Variants in SLC4A1 observed in about 807,000 individuals in gnomAD.
The protein encoded by SLC4A1 is solute carrier family 4 member 1 (Diego blood group), also known as band 3 anion transport protein.
Under a neutral mutation model 93.1 loss-of-function variants are expected in SLC4A1, and 29 were observed. That is an observed-to-expected ratio of 0.31 (90% CI 0.23 to 0.42). The LOEUF (loss-of-function observed/expected upper bound fraction) is 0.42, where lower values mean the gene tolerates loss of function less well. SLC4A1 is among the 20% of genes least tolerant of loss of function. The pLI, the probability that SLC4A1 is intolerant of heterozygous loss-of-function variation, is 1.00. For synonymous variants in SLC4A1, 469 were observed against 497.2 expected, an observed-to-expected ratio of 0.94 and a Z score of 0.76; for missense variants, 965 against 1,190.1, an observed-to-expected ratio of 0.81 and a Z score of 2.78.
At position 44,262,914 on chromosome 17, in the gene SLC4A1, C is replaced by A; in HGVS notation, c.-48G>T. The A allele has an allele frequency of 6.2e-7, 1 of 1,613,614 alleles. No individual in the cohort carries two copies. The highest frequency in any genetic ancestry group is 8.5e-7 in the Non-Finnish European group (1 of 1,180,028). On this transcript the variant is annotated 5_prime_UTR_variant, in exon 2 of 20. It removes an upstream start codon present in the reference 5' UTR. Coordinates refer to ENST00000262418, the MANE Select transcript of SLC4A1 (RefSeq NM_000342.4). ...TGTCTACGGTGATCTGAGCCCCCAGCATAACCCGCACCGCGGGTCCCTGCA... is the reference window on the plus strand; with the variant it reads ...TGTCTACGGTGATCTGAGCCCCCAGAATAACCCGCACCGCGGGTCCCTGCA...
chr17:44,249,322 C>T lies in SLC4A1; in HGVS notation c.*1136G>A, dbSNP rs2047319410. ...TACCCCAATTGGTCAGATCTGGGTTCTCCCCAAGATTCAGTTTAGATGGAG... is the reference window on the plus strand; with the variant it reads ...TACCCCAATTGGTCAGATCTGGGTTTTCCCCAAGATTCAGTTTAGATGGAG... On this transcript the variant is annotated 3_prime_UTR_variant, in exon 20 of 20. Coordinates refer to ENST00000262418, the MANE Select transcript of SLC4A1 (RefSeq NM_000342.4). The T allele has an allele frequency of 8.4e-6, 3 of 358,562 alleles. No individual in the cohort carries two copies. The highest frequency in any genetic ancestry group is 3.9e-4 in the Middle Eastern group (1 of 2,596). The allele number at this position is 358,562 out of a possible 1,614,324, so 22.2% of individuals were successfully genotyped here. A position where few individuals can be genotyped will look rare whatever the true frequency, so the allele number is the denominator to read the frequency against.
In SLC4A1 at chr17:44,259,741, G is replaced by T. The variant is rs749047173; in HGVS notation, c.609+68C>A. ...TTGTGGTCGGTTTTTCAGGACCCCT[G>T]CTGGCGTTTGAGAAAGCTCTCTCCT... On this transcript the variant is annotated intron_variant, in intron 7 of 19. Coordinates refer to ENST00000262418, the MANE Select transcript of SLC4A1 (RefSeq NM_000342.4). 1,095 of 1,609,746 alleles carry T rather than the reference G, an allele frequency of 6.8e-4. 2 individuals are homozygous for T. The highest frequency in any genetic ancestry group is 8.8e-4 in the Non-Finnish European group (1,033 of 1,177,146).
Position 44,258,105 on chromosome 17 carries a change from C to A in SLC4A1, c.1163G>T (p.Arg388Leu). 6.2e-7 allele frequency: 1 copy of A among 1,614,016 alleles called. No individual in the cohort carries two copies. Among genetic ancestry groups the A allele is most frequent in the Non-Finnish European group, 8.5e-7 (1 of 1,179,992 alleles). ...GTCACTCAGGTAATAGGGGTAGCGG[C>A]GCCGGATATCACGCACCAGGCCCCC... ...LFGGLVRDIR[R>L]RYPYYLSDIT... Residue 388 changes from arginine to leucine, a missense_variant, in exon 11 of 20, where the codon CGC (arginine) becomes CTC (leucine). Transcript: ENST00000262418. The surrounding 1 kb of genome is among the most constrained non-coding windows in gnomAD (Gnocchi z 6.1).
In SLC4A1 at chr17:44,249,229, ACT is replaced by A; in HGVS notation, c.*1227_*1228del. On this transcript the variant is annotated 3_prime_UTR_variant, in exon 20 of 20. Coordinates refer to ENST00000262418, the MANE Select transcript of SLC4A1 (RefSeq NM_000342.4). ...TCTCTCACCACTTTCACGTCTTTCA[ACT>A]CTTTTTATCTTTTTGTTTTATAAAA... is the stretch of plus-strand genomic sequence containing the variant. 1 of 448,782 alleles carries A rather than the reference ACT, an allele frequency of 2.2e-6. No individual in the cohort carries two copies. The highest frequency in any genetic ancestry group is 4.5e-6 in the Non-Finnish European group (1 of 224,706). The allele number at this position is 448,782 out of a possible 1,614,324, so 27.8% of individuals were successfully genotyped here.
rs1399439339 is a variant in SLC4A1 at position 44,249,866 on chromosome 17, C to G, written c.*592G>C. 6.4e-6 allele frequency: 1 copy of G among 156,532 alleles called. No homozygotes were observed. The highest frequency in any genetic ancestry group is 1.4e-5 in the Non-Finnish European group (1 of 70,686). The allele number at this position is 156,532 out of a possible 1,614,324, so 9.7% of individuals were successfully genotyped here. ...TGAAATCAGAAGGCCTGGTTCAAAT[C>G]CCAGCTGCACGGCTCAGTTCAAATC... is the stretch of plus-strand genomic sequence containing the variant. On this transcript the variant is annotated 3_prime_UTR_variant, in exon 20 of 20. Coordinates refer to ENST00000262418, the MANE Select transcript of SLC4A1 (RefSeq NM_000342.4).
intron 17 of SLC4A1, 149 bp downstream of exon 17, chr17:44,252,969 G>A: frequency 2.2e-6 from 2 of 896,514 alleles, no homozygotes; most frequent in Non-Finnish European, 3.6e-6. Flanking sequence ...ATCCCCTCGT[G>A]TGAGTAGGGG....
Position 44,258,094 on chromosome 17 carries a change from A to G in SLC4A1, c.1174T>C (p.Tyr392His). 1 of 1,614,040 alleles carries G rather than the reference A, an allele frequency of 6.2e-7. No individual in the cohort carries two copies. The highest frequency in any genetic ancestry group is 8.5e-7 in the Non-Finnish European group (1 of 1,180,010). Residue 392 changes from tyrosine to histidine, a missense_variant, in exon 11 of 20, where the codon TAT becomes CAT. By Grantham distance (83) the Tyr-to-His change is moderately conservative. Transcript: ENST00000262418. The surrounding 1 kb of genome is among the most constrained non-coding windows in gnomAD (Gnocchi z 6.1). ...LVRDIRRRYP[Y>H]YLSDITDAFS... Reference sequence around the variant, plus strand: ...GCATCTGTGATGTCACTCAGGTAATAGGGGTAGCGGCGCCGGATATCACGC... The same window carrying G: ...GCATCTGTGATGTCACTCAGGTAATGGGGGTAGCGGCGCCGGATATCACGC...
Position 44,248,984 on chromosome 17 carries a change from T to C in SLC4A1, c.*1474A>G, listed in dbSNP as rs2047316827. ...AGGTGATTCTCTTGCCTCAGCCTTC[T>C]AAGTAGCTGGGATTACAGGTGCCTG... On this transcript the variant is annotated 3_prime_UTR_variant, in exon 20 of 20. Transcript: ENST00000262418. 3.0e-6 allele frequency: 1 copy of C among 333,848 alleles called. No homozygotes were observed. The highest frequency in any genetic ancestry group is 2.3e-5 in the African/African-American group (1 of 44,126). The allele number at this position is 333,848 out of a possible 1,614,324, so 20.7% of individuals were successfully genotyped here.
At position 44,258,521 on chromosome 17, in the gene SLC4A1, G is replaced by C. The variant is rs554068015; in HGVS notation, c.979C>G (p.Pro327Ala). 3.7e-6 allele frequency: 6 copies of C among 1,613,994 alleles called. No individual in the cohort carries two copies. In the South Asian group the frequency reaches 6.6e-5, roughly 18 times the overall value. Residue 327 changes from proline (P) to alanine (A), a missense_variant, in exon 10 of 20, where the codon CCC (proline) becomes GCC (alanine). By Grantham distance (27) the Pro-to-Ala change is conservative (BLOSUM62 -1). Coordinates refer to ENST00000262418, the MANE Select transcript of SLC4A1 (RefSeq NM_000342.4). The surrounding 1 kb of genome is among the most constrained non-coding windows in gnomAD (Gnocchi z 6.1). The part of the protein sequence containing the change: ...CSLVLPPTDA[P>A]SEQALLSLVP... ...AGACTGAGCAGTGCCTGCTCGGAGG[G>C]GGCATCGGTGGGAGGCAGCACTAGG...
In SLC4A1 at chr17:44,257,688, G is replaced by A. The variant is rs1434081638; in HGVS notation, c.1402C>T (p.Leu468=). 4 of 1,613,942 alleles carry A rather than the reference G, an allele frequency of 2.5e-6. No individual in the cohort carries two copies. In the Admixed American group the frequency reaches 5.0e-5, roughly 20 times the overall value. Residue 468 remains leucine, a synonymous_variant, in exon 12 of 20, where the codon CTG becomes TTG. Coordinates refer to ENST00000262418, the MANE Select transcript of SLC4A1 (RefSeq NM_000342.4). Reference sequence around the variant, plus strand: ...AAGAAGGCTTCCTCAAACACCAGCAGGGGTCCTGAGAAGCCGACCACAAGC... The same window carrying A: ...AAGAAGGCTTCCTCAAACACCAGCAAGGGTCCTGAGAAGCCGACCACAAGC... ...PLLVVGFSGP[L]LVFEEAFFSF...
intron 1 of SLC4A1, among the ~76,000 whole-genome samples, chr17:44,264,568 T>C (rs1208023135): frequency 1.3e-5 from 2 of 152,268 alleles, no homozygotes; most frequent in African/African-American, 2.4e-5. Flanking sequence ...GAAGACCCTG[T>C]ATGTCCCATC....
At chr17:44,262,772 C>T (rs773039691) in intron 2 of SLC4A1, 46 bp from the exon 3 acceptor site, 8 of 1,605,522 alleles carry the variant, frequency 5.0e-6, no homozygotes, top group East Asian at 4.5e-5. Flanking sequence ...GGCTCTTCCA[C>T]CCCCAACGAA....
At position 44,254,669 on chromosome 17, in the gene SLC4A1, G is replaced by A. The variant is rs550566734; in HGVS notation, c.1891-7C>T. 150 of 1,613,792 alleles carry A rather than the reference G, an allele frequency of 9.3e-5. 2 individuals are homozygous for A. In the South Asian group the frequency reaches 1.6e-3, roughly 17 times the overall value. On this transcript the variant is annotated splice_polypyrimidine_tract_variant and splice_region_variant and intron_variant, in intron 15 of 19. Coordinates refer to ENST00000262418, the MANE Select transcript of SLC4A1 (RefSeq NM_000342.4). Reference sequence around the variant, plus strand: ...CATCAGGCACCGAGAGTTTCTGTGGGAGGGGGTAGCAGGTAAGAATGCCAA... The same window carrying A: ...CATCAGGCACCGAGAGTTTCTGTGGAAGGGGGTAGCAGGTAAGAATGCCAA...
At chr17:44,263,437 C>T (rs779276158) in intron 1 of SLC4A1, among the ~76,000 whole-genome samples, 3 of 152,182 alleles carry the variant, frequency 2.0e-5, no homozygotes, top group Non-Finnish European at 4.4e-5. Flanking sequence ...TCCTACTTCT[C>T]TCCCTGACCC....
At chr17:44,260,067 C>T in intron 6 of SLC4A1, 135 bp from the exon 7 acceptor site, 1 of 1,130,954 alleles carries the variant, frequency 8.8e-7, no homozygotes, top group East Asian at 2.4e-5. Context: ...CCAGACCAGA[C>T]CAGAGAGACC....
chr17:44,260,794 G>A lies in SLC4A1; in HGVS notation c.190C>T (p.Leu64=), dbSNP rs772012782. 1.2e-6 allele frequency: 2 copies of A among 1,612,738 alleles called. No homozygotes were observed. The highest frequency in any genetic ancestry group is 1.7e-6 in the Non-Finnish European group (2 of 1,180,028). Residue 64 remains leucine, a synonymous_variant, in exon 5 of 20, where the codon CTG becomes TTG. Coordinates refer to ENST00000262418, the MANE Select transcript of SLC4A1 (RefSeq NM_000342.4). The stretch of plus-strand genomic sequence containing the variant: ...TCCTGGTTCTTTTCGTCCATCACCA[G>A]CTCCTGCAGCTCCACATAGACCTGT... ...THKVYVELQE[L]VMDEKNQELR...
At chr17:44,254,745 G>C (rs1273435865) in intron 15 of SLC4A1, 83 bp from the exon 16 acceptor site, 1 of 1,367,664 alleles carries the variant, frequency 7.3e-7, no homozygotes. Context: ...GGTCCTAGGG[G>C]TCGGGCAGTT....
chr17:44,265,992 AAAAG>A (rs1238677205), intron 1 of SLC4A1, among the ~76,000 whole-genome samples: 18 of 151,904 alleles, frequency 1.2e-4, no homozygotes, highest in African/African-American at 3.6e-4. Context: ...AAAAAAAAAA[AAAAG>A]AAAGAAAGGG....
In SLC4A1 at chr17:44,265,378, T is replaced by C. The variant is rs541587762; in HGVS notation, c.-68-2444A>G. On this transcript the variant is annotated intron_variant, in intron 1 of 19. Transcript: ENST00000262418. ...TAGCCTAAAAACACAGGTGAGTTTT[T>C]CTTGTTTTTGAGACACAGTCTTGCT... is the stretch of plus-strand genomic sequence containing the variant. Among the ~76,000 whole-genome samples the C allele has an allele frequency of 2.0e-5, 3 of 152,076 alleles. No individual in the cohort carries two copies. In the South Asian group the frequency reaches 6.2e-4, roughly 32 times the overall value.
Sources: gnomAD v4.1 joint callset for allele counts (sites outside exome capture counted in the v4.1 genomes callset) on GRCh38, gnomAD v4.1.1 for gene constraint, Gnocchi (gnomAD v3.1) non-coding constraint, MANE v1.5 for transcripts, NCBI Gene and HGNC (gene_info 2026-07-23, HGNC 2026-07-21) for gene names.